The following SUGP1 variants were observed in gnomAD, a reference collection of about 807,000 sequenced individuals.
SUGP1 encodes SURP and G-patch domain containing 1.
In SUGP1, 34 loss-of-function variants were observed where a neutral mutation model predicts 76.5. The ratio of observed to expected loss-of-function variants is 0.44; its 90% confidence interval spans 0.34 to 0.59. The LOEUF (loss-of-function observed/expected upper bound fraction) is 0.59, where lower values mean the gene tolerates loss of function less well. Among genes scored for constraint, SUGP1 ranks in the 20% least tolerant of loss-of-function variants. The probability of loss-of-function intolerance (pLI) is 0.01; values close to 1 mark genes in which losing one functional copy is unlikely to be tolerated. For missense variants in SUGP1, 752 were observed against 851.7 expected (o/e 0.88, Z 1.46); for synonymous variants, 326 against 326.2 (o/e 1.00, Z 0.01).
rs749107561 is a variant in SUGP1 at position 19,303,458 on chromosome 19, AG to A, written c.663-11del. On this transcript the variant is annotated splice_polypyrimidine_tract_variant and intron_variant, in intron 5 of 13. Coordinates refer to ENST00000247001, the MANE Select transcript of SUGP1 (RefSeq NM_172231.4). ...CTTATCGTGCAAAAATCTGGAGAGGAGGAAGTTTGCAGAAGAGAGGGGAAAA... is the reference window on the plus strand; with the variant it reads ...CTTATCGTGCAAAAATCTGGAGAGGAGAAGTTTGCAGAAGAGAGGGGAAAA... 2 of 1,609,528 alleles carry A rather than the reference AG, an allele frequency of 1.2e-6. No homozygotes were observed. The highest frequency in any genetic ancestry group is 1.7e-6 in the Non-Finnish European group (2 of 1,175,852).
chr19:19,317,381 T>C (rs2146632922), intron 1 of SUGP1, among the ~76,000 whole-genome samples: 1 of 152,158 alleles, frequency 6.6e-6, no homozygotes, highest in South Asian at 2.1e-4. Context: ...GCCTGGTACA[T>C]CCAAGGAGCA....
chr19:19,277,928 G>T, intron 11 of SUGP1, 49 bp from the exon 12 acceptor site: 1 of 1,603,864 alleles, frequency 6.2e-7, no homozygotes, highest in South Asian at 1.1e-5. Flanking sequence ...GGGCTGTGGT[G>T]GCCCCCAAAT....
rs1159334788 is a variant in SUGP1, at chr19:19,316,534, T to A, written c.94A>T (p.Ile32Phe). 1 of 1,613,892 alleles carries A rather than the reference T, an allele frequency of 6.2e-7. No individual in the cohort carries two copies. The highest frequency in any genetic ancestry group is 1.1e-5 in the South Asian group (1 of 91,078). ...PPKSGKMNMN[I>F]LHQEELIAQK... Reference sequence around the variant, plus strand: ...GCGATGAGCTCTTCCTGGTGAAGGATGTTCATGTTCATTTTTCCAGATTTA... The same window carrying A: ...GCGATGAGCTCTTCCTGGTGAAGGAAGTTCATGTTCATTTTTCCAGATTTA... The change falls in exon 2 of 14, where the codon ATC becomes TTC. Residue 32 changes from isoleucine to phenylalanine, a missense_variant. Around this residue, in one of 2 missense-constraint regions of SUGP1, gnomAD observed 620 missense variants for 617.3 expected, o/e 1.00. Coordinates refer to ENST00000247001, the MANE Select transcript of SUGP1 (RefSeq NM_172231.4).
In SUGP1 at chr19:19,277,046, G is replaced by A. The variant is rs565278492; in HGVS notation, c.1812C>T (p.Phe604=). 61 of 1,612,020 alleles carry A rather than the reference G, an allele frequency of 3.8e-5. 1 individual carries two copies. The South Asian group carries it at 4.4e-4, about 12-fold the overall frequency. Residue 604 remains phenylalanine, a synonymous_variant, in exon 13 of 14, where the codon TTC becomes TTT. Coordinates refer to ENST00000247001, the MANE Select transcript of SUGP1 (RefSeq NM_172231.4). The part of the protein sequence containing the change: ...KGTTTVDGAG[F]GIDRPAELSK... ...AGAGCTCCGCCGGCCGGTCAATGCC[G>A]AAGCCAGCGCCGTCCACTGTGGTGG...
At chr19:19,287,788 G>A (rs2061152621) in intron 8 of SUGP1, among the ~76,000 whole-genome samples, 1 of 152,112 alleles carries the variant, frequency 6.6e-6, no homozygotes, top group Non-Finnish European at 1.5e-5. Flanking sequence ...CCCGAGACAT[G>A]GGCACTGGAA....
chr19:19,298,332 T>C (rs2061245373), intron 7 of SUGP1, among the ~76,000 whole-genome samples: 1 of 152,114 alleles, frequency 6.6e-6, no homozygotes, highest in South Asian at 2.1e-4. Context: ...ATCCCGTCTG[T>C]ACTAAAAATA....
At chr19:19,295,225 CAAAA>C (rs202215211) in intron 8 of SUGP1, among the ~76,000 whole-genome samples, 1 of 139,110 alleles carries the variant, frequency 7.2e-6, no homozygotes, top group African/African-American at 2.6e-5. Context: ...GTCTCTACTA[CAAAA>C]AAAAAAAAAA....
chr19:19,305,527 T>C (rs1267484827), intron 4 of SUGP1: 1 of 240,122 alleles, frequency 4.2e-6, no homozygotes, highest in Non-Finnish European at 8.2e-6. Context: ...AGAAGGGATG[T>C]GAGGATGCCC....
At chr19:19,289,885 C>G (rs1439999392) in intron 8 of SUGP1, among the ~76,000 whole-genome samples, 1 of 152,196 alleles carries the variant, frequency 6.6e-6, no homozygotes, top group African/African-American at 2.4e-5. Context: ...CGCCCCTTCC[C>G]CCATACGTCG....
chr19:19,292,667 A>AC (rs2061194863), intron 8 of SUGP1, among the ~76,000 whole-genome samples: 1 of 151,492 alleles, frequency 6.6e-6, no homozygotes, highest in African/African-American at 2.4e-5. Context: ...ACTCCATTTC[A>AC]AAAAAAAAGA....
At chr19:19,320,012 T>G (rs1209291718) in intron 1 of SUGP1, among the ~76,000 whole-genome samples, 5 of 152,140 alleles carry the variant, frequency 3.3e-5, no homozygotes, top group Non-Finnish European at 7.3e-5. Flanking sequence ...GGCCAAGGCT[T>G]GCAGCAAAGT....
At chr19:19,290,681 A>C (rs534829940) in intron 8 of SUGP1, among the ~76,000 whole-genome samples, 1 of 152,314 alleles carries the variant, frequency 6.6e-6, no homozygotes, top group South Asian at 2.1e-4. Flanking sequence ...ACTCTTTGCT[A>C]TATATACACA....
At chr19:19,277,239 C>T (rs1237558449) in intron 12 of SUGP1, among the ~76,000 whole-genome samples, 163 bp from the exon 13 acceptor site, 1 of 137,144 alleles carries the variant, frequency 7.3e-6, no homozygotes, top group East Asian at 2.2e-4. Flanking sequence ...GAGGGGAGAC[C>T]CCCGGGGCGG....
chr19:19,279,329 A>G lies in SUGP1; in HGVS notation c.1412T>C (p.Leu471Pro). Residue 471 changes from leucine to proline, a missense_variant, in exon 10 of 14, where the codon CTG becomes CCG. By Grantham distance (98) the Leu-to-Pro change is moderately conservative. Coordinates refer to ENST00000247001, the MANE Select transcript of SUGP1 (RefSeq NM_172231.4). Reference sequence around the variant, plus strand: ...GTGCTGTTGGACTGCCTTCTCCCACAGCAGCTGCATGTCCTGCATGGCCCG... The same window carrying G: ...GTGCTGTTGGACTGCCTTCTCCCACGGCAGCTGCATGTCCTGCATGGCCCG... ...HKRAMQDMQL[L>P]WEKAVQQHQH... 6.2e-7 allele frequency: 1 copy of G among 1,611,002 alleles called. No individual in the cohort carries two copies. Among genetic ancestry groups the G allele is most frequent in the Non-Finnish European group, 8.5e-7 (1 of 1,179,828 alleles).
rs1568638215 is a variant in SUGP1, at chr19:19,316,522, C to T, written c.106G>A (p.Glu36Lys). 2 of 1,613,832 alleles carry T rather than the reference C, an allele frequency of 1.2e-6. No individual in the cohort carries two copies. The highest frequency in any genetic ancestry group is 1.7e-6 in the Non-Finnish European group (2 of 1,180,016). ...CGTTTCTTCTGAGCGATGAGCTCTT[C>T]CTGGTGAAGGATGTTCATGTTCATT... ...GKMNMNILHQ[E>K]ELIAQKKREI... is the part of the protein sequence containing the mutation. The change falls in exon 2 of 14, where the codon GAA becomes AAA. Residue 36 changes from glutamate (E) to lysine (K), a missense_variant. Physicochemically the swap from Glu to Lys is moderately conservative, Grantham distance 56. Around this residue, in one of 2 missense-constraint regions of SUGP1, gnomAD observed 620 missense variants for 617.3 expected, o/e 1.00. Coordinates refer to ENST00000247001, the MANE Select transcript of SUGP1 (RefSeq NM_172231.4).
chr19:19,312,416 C>G (rs1473177408), intron 2 of SUGP1, among the ~76,000 whole-genome samples: 1 of 152,172 alleles, frequency 6.6e-6, no homozygotes, highest in Non-Finnish European at 1.5e-5. Context: ...GCACACCATC[C>G]TGCTCCAATC....
At chr19:19,300,005 C>T (rs1054592444) in intron 7 of SUGP1, among the ~76,000 whole-genome samples, 16 of 151,352 alleles carry the variant, frequency 1.1e-4, no homozygotes, top group African/African-American at 3.4e-4. Context: ...CTTGAACTCT[C>T]GACCTCAGGT....
chr19:19,299,671 C>T (rs4808939), intron 7 of SUGP1, among the ~76,000 whole-genome samples: 62,730 of 151,692 alleles, frequency 0.41, 14,415 homozygotes, highest in African/African-American at 0.61. Context: ...CATGAGCCAC[C>T]GCACCCGGCC....
chr19:19,302,422 A>G (rs1003737481), intron 6 of SUGP1, 34 bp from the exon 7 acceptor site: 1 of 1,603,518 alleles, frequency 6.2e-7, no homozygotes, highest in African/African-American at 1.3e-5. Flanking sequence ...GGCTCAACTC[A>G]CCACACCCAA....
Sources: allele counts gnomAD v4.1 joint callset (sites outside exome capture counted in the v4.1 genomes callset), GRCh38; gene constraint gnomAD v4.1.1; regional missense constraint gnomAD v4.1.1; transcripts MANE v1.5; gene names NCBI Gene and HGNC (gene_info 2026-07-23, HGNC 2026-07-21).